LINGO2: variants seen among roughly 807,000 people sequenced by gnomAD.
LINGO2 encodes the protein leucine rich repeat and Ig domain containing 2, also known as leucine-rich repeat and immunoglobulin-like domain-containing nogo receptor-interacting protein 2.
In LINGO2, 14 loss-of-function variants were observed where a neutral mutation model predicts 30.6. The ratio of observed to expected loss-of-function variants is 0.46; its 90% confidence interval spans 0.30 to 0.72. LINGO2 has a LOEUF of 0.72. Among genes scored for constraint, LINGO2 ranks in the 30% least tolerant of loss-of-function variants. The pLI, the probability that LINGO2 is intolerant of heterozygous loss-of-function variation, is 0.07. For synonymous variants in LINGO2, 317 were observed against 288.5 expected (o/e 1.10, Z -1.00); for missense variants, 729 against 751.7 (o/e 0.97, Z 0.35).
the LINGO2 span, among the ~76,000 whole-genome samples, chr9:29,141,482 A>G: frequency 5.9e-5 from 9 of 151,882 alleles, no homozygotes; most frequent in African/African-American, 2.2e-4. Flanking sequence ...GAAAAGAAAG[A>G]CAGTAAGAGA....
chr9:28,843,269 C>T, the LINGO2 span, among the ~76,000 whole-genome samples: 2 of 151,558 alleles, frequency 1.3e-5, no homozygotes, highest in African/African-American at 4.9e-5. Context: ...ATAAAAATGA[C>T]AATTACATAG....
At chr9:28,207,963 T>C (rs1283820983) in intron 4 of LINGO2, among the ~76,000 whole-genome samples, 3 of 152,046 alleles carry the variant, frequency 2.0e-5, no homozygotes, top group Non-Finnish European at 2.9e-5. Context: ...AATAAGTAGA[T>C]TGGAAATTCA....
chr9:28,633,965 T>C (rs751930886), intron 1 of LINGO2, among the ~76,000 whole-genome samples: 6 of 152,200 alleles, frequency 3.9e-5, no homozygotes, highest in Admixed American at 1.3e-4. Context: ...CATAGCTTCC[T>C]GTGAGTAGGT....
At chr9:27,983,319 C>T (rs1218121036) in intron 5 of LINGO2, among the ~76,000 whole-genome samples, 1 of 151,854 alleles carries the variant, frequency 6.6e-6, no homozygotes, top group Non-Finnish European at 1.5e-5. Context: ...ATCATAAATA[C>T]ACAGACTGGA....
intron 1 of LINGO2, among the ~76,000 whole-genome samples, chr9:28,547,325 A>T (rs1050963316): frequency 1.3e-5 from 2 of 152,152 alleles, no homozygotes; most frequent in African/African-American, 4.8e-5. Context: ...AAGAAGTCTT[A>T]GTAATGTGAT....
chr9:28,135,180 TA>T (rs1489183850), intron 4 of LINGO2, among the ~76,000 whole-genome samples: 1 of 152,120 alleles, frequency 6.6e-6, no homozygotes, highest in Non-Finnish European at 1.5e-5. Flanking sequence ...TATAAAATCG[TA>T]ACCAAATATT....
At chr9:28,447,018 C>G (rs541730460) in intron 2 of LINGO2, among the ~76,000 whole-genome samples, 5 of 152,258 alleles carry the variant, frequency 3.3e-5, no homozygotes, top group Admixed American at 1.3e-4. Flanking sequence ...CTGCCCTCCC[C>G]CTCAGTGCCC....
chr9:28,132,740 A>G lies in LINGO2; in HGVS notation c.-86-120335T>C, dbSNP rs550628233. On this transcript the variant is annotated intron_variant, in intron 4 of 5. Transcript: ENST00000379992. ...GATTCAACGAAAAGACTGAGTTTTA[A>G]TCTGTTGTTCCACTTTGTGTTATTA... Among the ~76,000 whole-genome samples, 182 of 152,330 alleles carry G rather than the reference A, an allele frequency of 1.2e-3. 1 individual carries two copies. The highest frequency in any genetic ancestry group is 4.3e-3 in the African/African-American group (180 of 41,600).
the LINGO2 span, among the ~76,000 whole-genome samples, chr9:29,117,598 G>A: frequency 6.6e-6 from 1 of 152,080 alleles, no homozygotes; most frequent in African/African-American, 2.4e-5. Flanking sequence ...TAGGGGAAAG[G>A]CCATAACCTC....
chr9:28,420,731 T>G (rs369016413), intron 2 of LINGO2, among the ~76,000 whole-genome samples: 9 of 151,994 alleles, frequency 5.9e-5, no homozygotes, highest in African/African-American at 1.9e-4. Flanking sequence ...TTCAGAAAAT[T>G]TTTACCATCA....
intron 1 of LINGO2, among the ~76,000 whole-genome samples, chr9:28,618,814 A>T (rs1390172306): frequency 6.6e-6 from 1 of 152,100 alleles, no homozygotes; most frequent in East Asian, 1.9e-4. Context: ...TTACTTCTAT[A>T]CTTTCTGTAT....
At chr9:29,178,695 G>A in the LINGO2 span, among the ~76,000 whole-genome samples, 1 of 152,112 alleles carries the variant, frequency 6.6e-6, no homozygotes, top group Non-Finnish European at 1.5e-5. Context: ...CAAGTGAAGA[G>A]AAACTTCCTC....
chr9:28,204,255 C>A (rs1203141682), intron 4 of LINGO2, among the ~76,000 whole-genome samples: 1 of 152,146 alleles, frequency 6.6e-6, no homozygotes, highest in African/African-American at 2.4e-5. Flanking sequence ...CATGCACACA[C>A]ACACACAAAC....
the LINGO2 span, among the ~76,000 whole-genome samples, chr9:28,810,528 T>G: frequency 1.3e-5 from 2 of 152,132 alleles, no homozygotes; most frequent in South Asian, 4.1e-4. Context: ...AGGCTCCTGA[T>G]AGAGTTCAGA....
In LINGO2 at chr9:28,118,700, G is replaced by T. The variant is rs546473858; in HGVS notation, c.-86-106295C>A. Among the ~76,000 whole-genome samples the T allele has an allele frequency of 2.6e-5, 4 of 152,264 alleles. No homozygotes were observed. In the East Asian group the frequency reaches 7.7e-4, roughly 29 times the overall value. On this transcript the variant is annotated intron_variant, in intron 4 of 5. Transcript: ENST00000379992. The stretch of plus-strand genomic sequence containing the variant: ...AATTATATGTACATTCAATATTACT[G>T]TAAAATTAACTTATGCTTCATAAGT...
At chr9:27,980,596 AT>A (rs1820807152) in intron 5 of LINGO2, among the ~76,000 whole-genome samples, 1 of 151,866 alleles carries the variant, frequency 6.6e-6, no homozygotes, top group South Asian at 2.1e-4. Context: ...TTGCCCTGGC[AT>A]TTTTCCAGCC....
At position 28,026,058 on chromosome 9, in the gene LINGO2, C is replaced by T. The variant is rs551262081; in HGVS notation, c.-86-13653G>A. 2.6e-5 allele frequency among the ~76,000 whole-genome samples: 4 copies of T among 152,296 alleles called. No individual in the cohort carries two copies. The South Asian group carries it at 8.3e-4, about 32-fold the overall frequency. ...GTTGCCTTTACTTACTGTGTTCTAGCTACTGAGGCCTTCCTTTGCTTCTCT... is the reference window on the plus strand; with the variant it reads ...GTTGCCTTTACTTACTGTGTTCTAGTTACTGAGGCCTTCCTTTGCTTCTCT... On this transcript the variant is annotated intron_variant, in intron 4 of 5. Transcript: ENST00000379992.
At chr9:29,160,290 A>G in the LINGO2 span, among the ~76,000 whole-genome samples, 1 of 152,236 alleles carries the variant, frequency 6.6e-6, no homozygotes, top group Admixed American at 6.5e-5. Context: ...GCAATGAAGC[A>G]TAACTAGTTA....
intron 5 of LINGO2, among the ~76,000 whole-genome samples, chr9:27,998,590 C>A (rs755861116): frequency 3.7e-4 from 56 of 152,138 alleles, no homozygotes; most frequent in Non-Finnish European, 3.2e-4. Context: ...ACCAGCCTGG[C>A]CAACATTGTG....
Sources: gnomAD v4.1 joint callset for allele counts (sites outside exome capture counted in the v4.1 genomes callset) on GRCh38, gnomAD v4.1.1 for gene constraint, MANE v1.5 for transcripts, NCBI Gene and HGNC (gene_info 2026-07-23, HGNC 2026-07-21) for gene names.